The following SMAD3 variants were observed in gnomAD, a reference collection of about 807,000 sequenced individuals.
The protein encoded by SMAD3 is MAD homolog 3.
Under a neutral mutation model 51.8 loss-of-function variants are expected in SMAD3, and 12 were observed. That is an observed-to-expected ratio of 0.23 (90% CI 0.15 to 0.38). The LOEUF (loss-of-function observed/expected upper bound fraction) is 0.38. SMAD3 is among the 10% of genes least tolerant of loss of function. The pLI, the probability that SMAD3 is intolerant of heterozygous loss-of-function variation, is 1.00. For synonymous variants in SMAD3, 238 were observed against 227.7 expected (o/e 1.05, Z -0.41); for missense variants, 294 against 565.6 (o/e 0.52, Z 4.87).
At chr15:67,139,136 C>T (rs1054279072) in intron 1 of SMAD3, among the ~76,000 whole-genome samples, 4 of 152,170 alleles carry the variant, frequency 2.6e-5, no homozygotes, top group African/African-American at 7.2e-5. Flanking sequence ...CAGATTCTGG[C>T]GGCAGCGATT....
At chr15:67,152,167 A>G (rs1480903279) in intron 1 of SMAD3, among the ~76,000 whole-genome samples, 2 of 152,178 alleles carry the variant, frequency 1.3e-5, no homozygotes, top group African/African-American at 2.4e-5. Flanking sequence ...AGCCTCTAGT[A>G]TCTTCTATTC....
intron 1 of SMAD3, among the ~76,000 whole-genome samples, chr15:67,101,573 G>A (rs1960758819): frequency 6.6e-6 from 1 of 152,174 alleles, no homozygotes; most frequent in African/African-American, 2.4e-5. Flanking sequence ...CACTGGAACA[G>A]GCTGAGCTGT....
intron 1 of SMAD3, among the ~76,000 whole-genome samples, chr15:67,072,305 G>A (rs1412757684): frequency 1.3e-5 from 2 of 152,164 alleles, no homozygotes; most frequent in African/African-American, 4.8e-5. Flanking sequence ...TATTCTGCGT[G>A]AGCTCCTTAA....
At chr15:67,083,749 T>C (rs775276530) in intron 1 of SMAD3, among the ~76,000 whole-genome samples, 2 of 152,224 alleles carry the variant, frequency 1.3e-5, no homozygotes, top group Admixed American at 6.5e-5. Flanking sequence ...TATCTGAAAT[T>C]GAATGTTTGC....
chr15:67,160,876 G>T (rs1007292295), intron 1 of SMAD3, among the ~76,000 whole-genome samples: 2 of 146,394 alleles, frequency 1.4e-5, no homozygotes, highest in African/African-American at 2.5e-5. Context: ...TCAAATATAC[G>T]CTTTGCAAAT....
At chr15:67,085,139 G>A (rs1335049472) in intron 1 of SMAD3, among the ~76,000 whole-genome samples, 1 of 152,214 alleles carries the variant, frequency 6.6e-6, no homozygotes, top group East Asian at 1.9e-4. Flanking sequence ...GAGCATTTCA[G>A]AGGTGAAGCA....
intron 6 of SMAD3, among the ~76,000 whole-genome samples, chr15:67,183,031 A>ATATAT (rs1156620400): frequency 6.7e-5 from 2 of 29,696 alleles, no homozygotes; most frequent in Non-Finnish European, 1.0e-4. Flanking sequence ...ATATATATAT[A>ATATAT]TTTTTTTTTT....
intron 1 of SMAD3, among the ~76,000 whole-genome samples, chr15:67,156,805 G>A (rs990586343): frequency 6.6e-6 from 1 of 152,036 alleles, no homozygotes; most frequent in African/African-American, 2.4e-5. Context: ...GTAGCTGCCT[G>A]GGGGTGGGCG....
intron 5 of SMAD3, 59 bp from the exon 6 acceptor site, chr15:67,181,182 T>C: frequency 7.6e-7 from 1 of 1,317,834 alleles, no homozygotes; most frequent in Non-Finnish European, 1.1e-6. Context: ...TGGGACCCCA[T>C]CGAGGGAGCA....
At chr15:67,187,208 G>A in intron 7 of SMAD3, 157 bp from the exon 8 acceptor site, 1 of 857,878 alleles carries the variant, frequency 1.2e-6, no homozygotes, top group Admixed American at 1.9e-5. Context: ...GCATGGTACT[G>A]AGTGTGGAGT....
rs1421383761 is a variant in SMAD3, at chr15:67,164,949, C to T, written c.261C>T (p.Ile87=). ...VSHRKGLPHV[I]YCRLWRWPDL... ...ATCGGAAGGGGCTCCCTCATGTCAT[C>T]TACTGCCGCCTGTGGCGATGGCCAG... The change falls in exon 2 of 9, where the codon ATC becomes ATT. Residue 87 remains isoleucine, a synonymous_variant. Coordinates refer to ENST00000327367, the MANE Select transcript of SMAD3 (RefSeq NM_005902.4). 3.1e-6 allele frequency: 5 copies of T among 1,613,876 alleles called. No individual in the cohort carries two copies. The highest frequency in any genetic ancestry group is 1.3e-5 in the African/African-American group (1 of 75,072).
intron 1 of SMAD3, among the ~76,000 whole-genome samples, chr15:67,158,919 C>T (rs191754989): frequency 6.6e-6 from 1 of 152,300 alleles, no homozygotes; most frequent in Non-Finnish European, 1.5e-5. Flanking sequence ...CATGACAATA[C>T]TGACAATAGA....
chr15:67,097,421 T>G (rs1357135423), intron 1 of SMAD3, among the ~76,000 whole-genome samples: 2 of 152,014 alleles, frequency 1.3e-5, no homozygotes, highest in East Asian at 3.9e-4. Context: ...TGTTGTTGTT[T>G]TTTGTAGAAA....
intron 5 of SMAD3, among the ~76,000 whole-genome samples, chr15:67,170,998 CTTAT>C (rs1395805338): frequency 1.3e-4 from 20 of 152,298 alleles, no homozygotes; most frequent in Admixed American, 9.2e-4. Flanking sequence ...TTCAGATATA[CTTAT>C]TTGAGTGTTT....
chr15:67,130,593 C>G (rs114012223), intron 1 of SMAD3, among the ~76,000 whole-genome samples: 1 of 152,168 alleles, frequency 6.6e-6, no homozygotes. Context: ...AAACATCCCC[C>G]CCAACCCTCA....
intron 1 of SMAD3, among the ~76,000 whole-genome samples, chr15:67,126,273 G>T (rs1266422756): frequency 6.6e-6 from 1 of 151,980 alleles, no homozygotes; most frequent in Non-Finnish European, 1.5e-5. Flanking sequence ...GGAGATTGAG[G>T]CATGAGTTGT....
intron 1 of SMAD3, among the ~76,000 whole-genome samples, chr15:67,148,221 G>A (rs574791328): frequency 1.2e-4 from 19 of 152,244 alleles, no homozygotes; most frequent in East Asian, 7.7e-4. Flanking sequence ...CTAGAGATCC[G>A]TTGAACCCAT....
At chr15:67,068,839 G>A (rs775595176) in intron 1 of SMAD3, among the ~76,000 whole-genome samples, 3 of 152,162 alleles carry the variant, frequency 2.0e-5, no homozygotes, top group Non-Finnish European at 4.4e-5. Context: ...CTGTGCTGGT[G>A]ATATCAATGT....
At chr15:67,136,248 C>A (rs796182932) in intron 1 of SMAD3, among the ~76,000 whole-genome samples, 5 of 152,218 alleles carry the variant, frequency 3.3e-5, no homozygotes, top group African/African-American at 1.2e-4. Context: ...ATTGCAGATA[C>A]ATTAAAGATT....
Sources: gnomAD v4.1 joint callset for allele counts (sites outside exome capture counted in the v4.1 genomes callset) on GRCh38, gnomAD v4.1.1 for gene constraint, MANE v1.5 for transcripts, NCBI Gene and HGNC (gene_info 2026-07-23, HGNC 2026-07-21) for gene names.